Variants in CADM2 observed in about 807,000 individuals in gnomAD.
CADM2 encodes the protein cell adhesion molecule 2, also known as immunoglobulin superfamily member 4D.
In CADM2, 12 loss-of-function variants were observed where a neutral mutation model predicts 49.8. That is an observed-to-expected ratio of 0.24 (90% confidence interval 0.15 to 0.39). CADM2 has a LOEUF of 0.39. Ranked by LOEUF, CADM2 falls within the 10% of genes least tolerant of loss-of-function variation. CADM2 has a pLI of 1.00. For synonymous variants in CADM2, 214 were observed against 175.4 expected (o/e 1.22, Z -1.74); for missense variants, 378 against 492.3 (o/e 0.77, Z 2.20).
chr3:85,538,735 C>T (rs903973304), intron 1 of CADM2, among the ~76,000 whole-genome samples: 8 of 151,940 alleles, frequency 5.3e-5, no homozygotes, highest in Admixed American at 2.6e-4. Context: ...CTCCCATTCA[C>T]GGCTTCTGTG....
At chr3:85,103,942 A>G (rs150915133) in intron 1 of CADM2, among the ~76,000 whole-genome samples, 174 of 152,274 alleles carry the variant, frequency 1.1e-3, no homozygotes, top group African/African-American at 3.9e-3. Flanking sequence ...AGCAGGAGGT[A>G]ATTGTTTTGA....
At chr3:86,057,357 C>G (rs1243521632) in intron 8 of CADM2, among the ~76,000 whole-genome samples, 2 of 152,082 alleles carry the variant, frequency 1.3e-5, no homozygotes, top group Non-Finnish European at 2.9e-5. Flanking sequence ...TAGAATCAAA[C>G]TATAAAAAGC....
intron 1 of CADM2, among the ~76,000 whole-genome samples, chr3:85,253,981 A>G (rs1576218214): frequency 6.6e-6 from 1 of 152,048 alleles, no homozygotes; most frequent in South Asian, 2.1e-4. Context: ...CTATTTGAAG[A>G]TAGTGTCACA....
At chr3:85,090,116 G>A (rs1253632172) in intron 1 of CADM2, among the ~76,000 whole-genome samples, 1 of 151,880 alleles carries the variant, frequency 6.6e-6, no homozygotes, top group East Asian at 1.9e-4. Flanking sequence ...ACAAAAAAAA[G>A]GCGTATTTTG....
intron 1 of CADM2, among the ~76,000 whole-genome samples, chr3:84,991,224 C>T (rs974028711): frequency 3.3e-5 from 5 of 151,824 alleles, no homozygotes; most frequent in African/African-American, 4.8e-5. Flanking sequence ...AGTTATAAAC[C>T]TAGGGGACTC....
intron 6 of CADM2, among the ~76,000 whole-genome samples, chr3:85,919,827 C>A (rs1392951004): frequency 1.3e-5 from 2 of 151,684 alleles, no homozygotes; most frequent in Admixed American, 6.6e-5. Flanking sequence ...TGTTTAGTTG[C>A]AAAACAATGA....
chr3:85,277,274 G>T (rs1306390612), intron 1 of CADM2, among the ~76,000 whole-genome samples: 1 of 151,348 alleles, frequency 6.6e-6, no homozygotes, highest in African/African-American at 2.4e-5. Flanking sequence ...ATCTTCAAAA[G>T]CTGAAATAAC....
intron 1 of CADM2, among the ~76,000 whole-genome samples, chr3:85,132,903 T>G (rs981320896): frequency 6.6e-6 from 1 of 152,118 alleles, no homozygotes; most frequent in Non-Finnish European, 1.5e-5. Context: ...ACCCTGGCGG[T>G]GAGTGTTACA....
At chr3:85,372,517 A>G (rs1372734767) in intron 1 of CADM2, among the ~76,000 whole-genome samples, 1 of 151,876 alleles carries the variant, frequency 6.6e-6, no homozygotes, top group African/African-American at 2.4e-5. Flanking sequence ...TCCACACCCA[A>G]TTTACAAGGT....
intron 8 of CADM2, among the ~76,000 whole-genome samples, chr3:86,029,785 T>C (rs1480611350): frequency 6.6e-6 from 1 of 152,008 alleles, no homozygotes; most frequent in African/African-American, 2.4e-5. Flanking sequence ...CTTCTCCTGA[T>C]ATTTAAGACT....
intron 2 of CADM2, among the ~76,000 whole-genome samples, chr3:85,753,277 G>T (rs1324831375): frequency 3.3e-5 from 5 of 151,722 alleles, no homozygotes; most frequent in African/African-American, 9.7e-5. Flanking sequence ...AAGAAAGAAA[G>T]GACATTATAA....
intron 1 of CADM2, among the ~76,000 whole-genome samples, chr3:85,561,596 T>C (rs542894134): frequency 2.6e-4 from 40 of 152,284 alleles, no homozygotes; most frequent in African/African-American, 3.8e-4. Flanking sequence ...TAATAGGACA[T>C]TGACATATCT....
chr3:85,777,841 T>C (rs1205714075), intron 2 of CADM2, among the ~76,000 whole-genome samples: 1 of 152,216 alleles, frequency 6.6e-6, no homozygotes, highest in Non-Finnish European at 1.5e-5. Flanking sequence ...AGCCGGTCTG[T>C]ACCATCAGAA....
intron 2 of CADM2, among the ~76,000 whole-genome samples, chr3:85,754,064 G>T (rs547394730): frequency 6.6e-6 from 1 of 152,284 alleles, no homozygotes; most frequent in African/African-American, 2.4e-5. Flanking sequence ...CTTGGGAGGG[G>T]TGCACGTGTC....
chr3:85,681,301 G>A (rs1035066170), intron 1 of CADM2, among the ~76,000 whole-genome samples: 3 of 152,080 alleles, frequency 2.0e-5, no homozygotes, highest in Non-Finnish European at 4.4e-5. Context: ...AGTTCATTAG[G>A]CATGCTGATT....
At chr3:85,562,744 G>A (rs1481936468) in intron 1 of CADM2, among the ~76,000 whole-genome samples, 1 of 152,114 alleles carries the variant, frequency 6.6e-6, no homozygotes, top group Non-Finnish European at 1.5e-5. Context: ...AACATGTGTT[G>A]CTATACTTCA....
chr3:86,017,757 A>C (rs946277739), intron 8 of CADM2, among the ~76,000 whole-genome samples: 1 of 151,174 alleles, frequency 6.6e-6, no homozygotes, highest in Non-Finnish European at 1.5e-5. Flanking sequence ...AAAAAGAAGA[A>C]GAAAGGGATT....
At chr3:85,628,339 C>T (rs1215802097) in intron 1 of CADM2, among the ~76,000 whole-genome samples, 1 of 151,758 alleles carries the variant, frequency 6.6e-6, no homozygotes, top group African/African-American at 2.4e-5. Context: ...TTTATTTCTA[C>T]TTTACTGCTA....
At chr3:85,296,493 A>G (rs1196765012) in intron 1 of CADM2, among the ~76,000 whole-genome samples, 2 of 152,002 alleles carry the variant, frequency 1.3e-5, no homozygotes, top group Admixed American at 6.6e-5. Context: ...TTGTATAGTA[A>G]CATGTTTTAT....
Sources: allele counts gnomAD v4.1 joint callset (sites outside exome capture counted in the v4.1 genomes callset), GRCh38; gene constraint gnomAD v4.1.1; transcripts MANE v1.5; gene names NCBI Gene and HGNC (gene_info 2026-07-23, HGNC 2026-07-21).